Variants in KCNC2 observed in about 807,000 individuals in gnomAD.
KCNC2 encodes voltage-gated potassium channel KCNC2.
Under a neutral mutation model 44.5 loss-of-function variants are expected in KCNC2, and 21 were observed. That is an observed-to-expected ratio of 0.47 (90% confidence interval 0.33 to 0.68). The LOEUF is 0.68. Ranked by LOEUF, KCNC2 falls within the 30% of genes least tolerant of loss-of-function variation. KCNC2 has a pLI of 0.01. For synonymous variants in KCNC2, 391 were observed against 339.1 expected (o/e 1.15, Z -1.68); for missense variants, 589 against 826.2 (o/e 0.71, Z 3.52).
At chr12:75,096,131 C>A (rs1487977162) in intron 2 of KCNC2, among the ~76,000 whole-genome samples, 1 of 151,988 alleles carries the variant, frequency 6.6e-6, no homozygotes, top group African/African-American at 2.4e-5. Context: ...ACAAATACCA[C>A]AGTTGGCACT....
intron 2 of KCNC2, among the ~76,000 whole-genome samples, chr12:75,053,844 A>C (rs554468454): frequency 2.7e-5 from 4 of 149,352 alleles, no homozygotes; most frequent in Non-Finnish European, 5.9e-5. Context: ...GGAAAATAAA[A>C]TAATATTTGA....
chr12:75,105,346 TAAC>T (rs1398175052), intron 2 of KCNC2, among the ~76,000 whole-genome samples: 1 of 152,064 alleles, frequency 6.6e-6, no homozygotes, highest in Non-Finnish European at 1.5e-5. Context: ...GAAACAGAAT[TAAC>T]AAAGGGACAA....
intron 2 of KCNC2, among the ~76,000 whole-genome samples, chr12:75,118,111 A>G (rs978775709): frequency 4.6e-5 from 7 of 152,208 alleles, no homozygotes; most frequent in Admixed American, 4.6e-4. Flanking sequence ...GAGCTTCACA[A>G]CATCTCTAAA....
At chr12:75,205,839 GTT>G (rs34832795) in intron 2 of KCNC2, among the ~76,000 whole-genome samples, 8 of 124,602 alleles carry the variant, frequency 6.4e-5, no homozygotes, top group Non-Finnish European at 1.2e-4. Flanking sequence ...GTTGGTTTGG[GTT>G]TTTTTTTTTT....
chr12:75,078,456 G>T (rs1325765311), intron 2 of KCNC2, among the ~76,000 whole-genome samples: 1 of 152,160 alleles, frequency 6.6e-6, no homozygotes, highest in African/African-American at 2.4e-5. Context: ...AGAGAATAAA[G>T]AAAGAGTTGT....
intron 2 of KCNC2, among the ~76,000 whole-genome samples, chr12:75,154,384 A>G (rs1289930098): frequency 1.3e-5 from 2 of 152,006 alleles, no homozygotes; most frequent in African/African-American, 2.4e-5. Context: ...AGGAAACCTT[A>G]GTTGAGTTCT....
chr12:75,132,187 C>T (rs1404097766), intron 2 of KCNC2, among the ~76,000 whole-genome samples: 4 of 151,982 alleles, frequency 2.6e-5, no homozygotes, highest in African/African-American at 4.8e-5. Flanking sequence ...CAGTGAGATA[C>T]TGCAGGTAAT....
intron 2 of KCNC2, among the ~76,000 whole-genome samples, chr12:75,124,312 ATTTACTACC>A (rs988746974): frequency 6.6e-6 from 1 of 152,174 alleles, no homozygotes; most frequent in African/African-American, 2.4e-5. Context: ...CTCTATGAAA[ATTTACTACC>A]CAGCAGCTAA....
chr12:75,061,519 T>G (rs1882321133), intron 2 of KCNC2, among the ~76,000 whole-genome samples: 1 of 151,002 alleles, frequency 6.6e-6, no homozygotes, highest in Non-Finnish European at 1.5e-5. Context: ...AAAATCCATC[T>G]CAAGGGATTA....
rs1297387090 is a variant in KCNC2 at position 75,178,313 on chromosome 12, T to A, written c.687+28984A>T. 2.6e-5 allele frequency among the ~76,000 whole-genome samples: 4 copies of A among 151,980 alleles called. No homozygotes were observed. In the South Asian group the frequency reaches 8.3e-4, roughly 31 times the overall value. ...CTGTCATTAGAAAATAGACCTGTTA[T>A]AATATAAATAAGGTGGGTAAGAATC... is the stretch of plus-strand genomic sequence containing the variant. On this transcript the variant is annotated intron_variant, in intron 2 of 4. Transcript: ENST00000549446.
At chr12:75,043,668 A>G (rs1318463183) in intron 4 of KCNC2, 2 of 1,332,548 alleles carry the variant, frequency 1.5e-6, no homozygotes, top group Admixed American at 3.3e-5. Flanking sequence ...TTCCTAAGCC[A>G]ATAAAGCATA....
In KCNC2 at chr12:75,207,145, C is replaced by T; in HGVS notation, c.687+152G>A. On this transcript the variant is annotated intron_variant, in intron 2 of 4. Transcript: ENST00000549446. The surrounding 1 kb of genome is among the most constrained non-coding windows in gnomAD (Gnocchi z 4.1). ...GGTGGCCGGGGTCCCTGGGTTTACCCTGCAAAGGATGAGCCTCTAACTGTA... is the reference window on the plus strand; with the variant it reads ...GGTGGCCGGGGTCCCTGGGTTTACCTTGCAAAGGATGAGCCTCTAACTGTA... 1 of 1,389,136 alleles carries T rather than the reference C, an allele frequency of 7.2e-7. No individual in the cohort carries two copies. The highest frequency in any genetic ancestry group is 2.7e-5 in the East Asian group (1 of 37,420). The allele number at this position is 1,389,136 out of a possible 1,614,324, so 86.1% of individuals were successfully genotyped here.
At chr12:75,079,294 C>T (rs999118050) in intron 2 of KCNC2, among the ~76,000 whole-genome samples, 2 of 152,036 alleles carry the variant, frequency 1.3e-5, no homozygotes, top group Admixed American at 6.6e-5. Context: ...CCCTAGAGTT[C>T]CCAGAAATTC....
rs969748953 is a variant in KCNC2, at chr12:75,041,323, C to T, written c.*1782G>A. 1 of 1,495,344 alleles carries T rather than the reference C, an allele frequency of 6.7e-7. No individual in the cohort carries two copies. The highest frequency in any genetic ancestry group is 8.9e-7 in the Non-Finnish European group (1 of 1,124,912). 92.6% of individuals were successfully genotyped at this position (1,495,344 alleles called of 1,614,324 possible). ...AAAGAATCACTGTGTCTCTAAATAT[C>T]ATATATGTATGTCTGGATAAATACA... On this transcript the variant is annotated 3_prime_UTR_variant, in exon 5 of 5. Transcript: ENST00000549446.
chr12:75,094,653 T>A (rs1281575046), intron 2 of KCNC2, among the ~76,000 whole-genome samples: 1 of 151,896 alleles, frequency 6.6e-6, no homozygotes, highest in Non-Finnish European at 1.5e-5. Flanking sequence ...TTGACCTTTC[T>A]AACAGCAACT....
rs2136907844 is a variant in KCNC2, at chr12:75,042,533, C to A, written c.*572G>T. On this transcript the variant is annotated 3_prime_UTR_variant, in exon 5 of 5. Transcript: ENST00000549446. ...GTGCCCTCCCTGCCCCACAATTCAA[C>A]ATGCAGAACAGTCGACCAATGCTTT... is the stretch of plus-strand genomic sequence containing the variant. 7.1e-7 allele frequency: 1 copy of A among 1,413,824 alleles called. No individual in the cohort carries two copies. Among genetic ancestry groups the A allele is most frequent in the Middle Eastern group, 2.5e-4 (1 of 3,956 alleles). The allele number at this position is 1,413,824 out of a possible 1,614,324, so 87.6% of individuals were successfully genotyped here.
At chr12:75,180,795 T>C (rs1323081177) in intron 2 of KCNC2, among the ~76,000 whole-genome samples, 1 of 152,064 alleles carries the variant, frequency 6.6e-6, no homozygotes, top group African/African-American at 2.4e-5. Context: ...AAATGATACA[T>C]ATTTAAAGTT....
At chr12:75,099,614 T>G (rs1368977558) in intron 2 of KCNC2, among the ~76,000 whole-genome samples, 1 of 152,202 alleles carries the variant, frequency 6.6e-6, no homozygotes, top group Non-Finnish European at 1.5e-5. Context: ...TGATTCAATC[T>G]TATGGTTTTA....
intron 2 of KCNC2, among the ~76,000 whole-genome samples, chr12:75,195,711 C>A (rs2030701701): frequency 6.6e-6 from 1 of 152,062 alleles, no homozygotes; most frequent in Non-Finnish European, 1.5e-5. Context: ...GAAAAACTTA[C>A]ACTCACCCTC....
Sources: allele counts gnomAD v4.1 joint callset (sites outside exome capture counted in the v4.1 genomes callset), GRCh38; gene constraint gnomAD v4.1.1; non-coding constraint Gnocchi (gnomAD v3.1); transcripts MANE v1.5; gene names NCBI Gene and HGNC (gene_info 2026-07-23, HGNC 2026-07-21).